AFF4: variants seen among roughly 807,000 people sequenced by gnomAD.
AFF4 encodes AF4/FMR2 family member 4.
In AFF4, 13 loss-of-function variants were observed where a neutral mutation model predicts 124.8. That is an observed-to-expected ratio of 0.10 (90% CI 0.07 to 0.17). The LOEUF (loss-of-function observed/expected upper bound fraction) is 0.17. Among genes scored for constraint, AFF4 ranks in the 10% least tolerant of loss-of-function variants. The probability of loss-of-function intolerance (pLI) is 1.00; values close to 1 mark genes in which losing one functional copy is unlikely to be tolerated. For synonymous variants in AFF4, 477 were observed against 496.1 expected, an observed-to-expected ratio of 0.96 and a Z score of 0.51; for missense variants, 1,092 against 1,403.8, an observed-to-expected ratio of 0.78 and a Z score of 3.55.
chr5:132,942,377 G>A (rs1419410453), intron 1 of AFF4, among the ~76,000 whole-genome samples: 1 of 151,980 alleles, frequency 6.6e-6, no homozygotes, highest in African/African-American at 2.4e-5. Flanking sequence ...CAATTCCCTT[G>A]GAGAAAGGTG....
In AFF4 at chr5:132,939,229, A is replaced by AAG. The variant is rs1184098875; in HGVS notation, c.-4-2037_-4-2036insCT. 4.0e-5 allele frequency among the ~76,000 whole-genome samples: 6 copies of AAG among 151,874 alleles called. No homozygotes were observed. The East Asian group carries it at 1.2e-3, about 29-fold the overall frequency. On this transcript the variant is annotated intron_variant, in intron 1 of 20. Transcript: ENST00000265343. ...GAGACCCTTTCTCAAAAAAAAAAAA[A>AAG]AAAGAATGTTCTAAGTGTTTCAGAT...
chr5:132,903,152 CAAA>C (rs1760591922), intron 6 of AFF4, among the ~76,000 whole-genome samples: 1 of 151,966 alleles, frequency 6.6e-6, no homozygotes, highest in Non-Finnish European at 1.5e-5. Flanking sequence ...AAAAAGGAAA[CAAA>C]AAGAAGAGAG....
intron 1 of AFF4, among the ~76,000 whole-genome samples, chr5:132,944,269 G>A (rs1432434998): frequency 6.6e-6 from 1 of 151,950 alleles, no homozygotes; most frequent in African/African-American, 2.4e-5. Flanking sequence ...CCCAGGAGGC[G>A]GAGCTTGCAG....
intron 18 of AFF4, among the ~76,000 whole-genome samples, chr5:132,886,061 C>T (rs997261357): frequency 5.3e-5 from 8 of 152,218 alleles, no homozygotes; most frequent in Middle Eastern, 6.8e-3. Flanking sequence ...CGTGAGCCAC[C>T]GAACCCGGCC....
chr5:132,947,126 G>A (rs1272601125), intron 1 of AFF4, among the ~76,000 whole-genome samples: 4 of 152,240 alleles, frequency 2.6e-5, no homozygotes, highest in Admixed American at 6.5e-5. Context: ...TAAAACAACC[G>A]AGCGTTGTGG....
intron 3 of AFF4, among the ~76,000 whole-genome samples, chr5:132,933,070 C>T (rs561833890): frequency 3.9e-5 from 6 of 152,266 alleles, no homozygotes; most frequent in Non-Finnish European, 5.9e-5. Flanking sequence ...CGTCACTTTC[C>T]AAATTTTTTT....
intron 1 of AFF4, among the ~76,000 whole-genome samples, chr5:132,955,701 C>A (rs1161335708): frequency 6.7e-6 from 1 of 148,412 alleles, no homozygotes; most frequent in Non-Finnish European, 1.5e-5. Context: ...TCGCTTGAAC[C>A]CGGAAGGCAG....
At chr5:132,955,797 T>TAA (rs1761942952) in intron 1 of AFF4, among the ~76,000 whole-genome samples, 1 of 100,670 alleles carries the variant, frequency 9.9e-6, no homozygotes. Flanking sequence ...AAAAAAAAAA[T>TAA]ATATATATAT....
intron 1 of AFF4, among the ~76,000 whole-genome samples, chr5:132,942,551 G>A (rs975137511): frequency 4.0e-5 from 6 of 148,284 alleles, no homozygotes; most frequent in African/African-American, 1.2e-4. Flanking sequence ...CACAACCTTC[G>A]CCTGCCGGAT....
In AFF4 at chr5:132,876,765, G is replaced by GT. The variant is rs1759849199; in HGVS notation, c.*4293dup. ...TAGGGTTCATGTGAATAGGAGCTTT[G>GT]TAAGACCAGCATCCACTTTACAGAC... On this transcript the variant is annotated 3_prime_UTR_variant, in exon 21 of 21. Coordinates refer to ENST00000265343, the MANE Select transcript of AFF4 (RefSeq NM_014423.4). The GT allele has an allele frequency of 2.5e-5, 5 of 197,604 alleles. No individual in the cohort carries two copies. The Admixed American group carries it at 3.0e-4, about 12-fold the overall frequency. The allele number at this position is 197,604 out of a possible 1,614,324, so 12.2% of individuals were successfully genotyped here. A position where few individuals can be genotyped will look rare whatever the true frequency, so the allele number is the denominator to read the frequency against.
At chr5:132,915,289 C>G (rs1200302101) in intron 5 of AFF4, among the ~76,000 whole-genome samples, 1 of 150,614 alleles carries the variant, frequency 6.6e-6, no homozygotes, top group East Asian at 2.0e-4. Flanking sequence ...TGCAGTGAGC[C>G]GAGATCACAC....
chr5:132,921,523 C>T (rs544640040), intron 5 of AFF4, among the ~76,000 whole-genome samples: 49 of 147,542 alleles, frequency 3.3e-4, no homozygotes, highest in African/African-American at 1.2e-3. Flanking sequence ...GGCTGCAGTG[C>T]AATGACACGA....
intron 1 of AFF4, among the ~76,000 whole-genome samples, chr5:132,954,914 G>A (rs1213220325): frequency 6.6e-6 from 1 of 152,178 alleles, no homozygotes; most frequent in Non-Finnish European, 1.5e-5. Flanking sequence ...GAAGGTCAGG[G>A]TGATAGCCTT....
intron 2 of AFF4, among the ~76,000 whole-genome samples, chr5:132,935,737 C>A (rs1231296190): frequency 6.7e-6 from 1 of 150,122 alleles, no homozygotes; most frequent in South Asian, 2.1e-4. Context: ...CGTCATTGCA[C>A]TCCAGTAAGA....
Position 132,896,675 on chromosome 5 carries a change from T to G in AFF4, c.1955A>C (p.Asp652Ala). ...AGGAAGGCTCTCACTTTCATCTGAATCTGAGGATGAGGTATCTGTTTCTAT... is the reference window on the plus strand; with the variant it reads ...AGGAAGGCTCTCACTTTCATCTGAAGCTGAGGATGAGGTATCTGTTTCTAT... ...EIIETDTSSS[D>A]SDESESLPPS... The change falls in exon 11 of 21, where the codon GAT becomes GCT. Residue 652 changes from aspartate to alanine, a missense_variant. Physicochemically the swap from Asp to Ala is moderately radical, Grantham distance 126. Around this residue, in one of 11 missense-constraint regions of AFF4, gnomAD observed 174 missense variants for 205.9 expected, o/e 0.84. Transcript: ENST00000265343. The G allele has an allele frequency of 6.2e-7, 1 of 1,614,042 alleles. No individual in the cohort carries two copies. Among genetic ancestry groups the G allele is most frequent in the Non-Finnish European group, 8.5e-7 (1 of 1,179,954 alleles).
chr5:132,913,214 A>G (rs1467996415), intron 5 of AFF4, among the ~76,000 whole-genome samples: 5 of 152,218 alleles, frequency 3.3e-5, no homozygotes, highest in Non-Finnish European at 7.3e-5. Context: ...TCATAGTAAT[A>G]AAGACTCAAC....
chr5:132,912,133 AC>A (rs1206383225), intron 5 of AFF4, among the ~76,000 whole-genome samples: 1 of 147,298 alleles, frequency 6.8e-6, no homozygotes, highest in Non-Finnish European at 1.5e-5. Context: ...TTGGCGGATC[AC>A]CTGACGTCAG....
At chr5:132,949,502 C>G (rs1170437328) in intron 1 of AFF4, among the ~76,000 whole-genome samples, 3 of 151,990 alleles carry the variant, frequency 2.0e-5, no homozygotes, top group African/African-American at 7.2e-5. Flanking sequence ...CAAAGTGAGA[C>G]CTCATCTCTT....
intron 1 of AFF4, among the ~76,000 whole-genome samples, chr5:132,941,496 G>A (rs1443625052): frequency 6.6e-6 from 1 of 151,930 alleles, no homozygotes; most frequent in Non-Finnish European, 1.5e-5. Context: ...ACCACACCTG[G>A]CTAACTTTTT....
Sources: allele counts gnomAD v4.1 joint callset (sites outside exome capture counted in the v4.1 genomes callset), GRCh38; gene constraint gnomAD v4.1.1; regional missense constraint gnomAD v4.1.1; transcripts MANE v1.5; gene names NCBI Gene and HGNC (gene_info 2026-07-23, HGNC 2026-07-21).